SGCD: variants seen among roughly 807,000 people sequenced by gnomAD.
The protein encoded by SGCD is delta-sarcoglycan.
Under a neutral mutation model 36.6 loss-of-function variants are expected in SGCD, and 18 were observed. The observed-to-expected ratio is 0.49, with a 90% CI of 0.34 to 0.73. SGCD has a LOEUF of 0.73. Among genes scored for constraint, SGCD ranks in the 30% least tolerant of loss-of-function variants. The probability of loss-of-function intolerance (pLI) is 0.01; values close to 1 mark genes in which losing one functional copy is unlikely to be tolerated. For synonymous variants in SGCD, 133 were observed against 130.6 expected, an observed-to-expected ratio of 1.02 and a Z score of -0.12; for missense variants, 387 against 346.7, an observed-to-expected ratio of 1.12 and a Z score of -0.92.
intron 3 of SGCD, among the ~76,000 whole-genome samples, chr5:156,435,308 C>T (rs960020084): frequency 2.0e-5 from 3 of 152,146 alleles, no homozygotes; most frequent in African/African-American, 4.8e-5. Flanking sequence ...TAGTTAGTGG[C>T]GTGCAACTTG....
At chr5:155,790,324 T>G in the SGCD span, among the ~76,000 whole-genome samples, 3 of 152,094 alleles carry the variant, frequency 2.0e-5, no homozygotes, top group Non-Finnish European at 4.4e-5. Flanking sequence ...GTTTACATTC[T>G]TACTCTTCTT....
At chr5:156,290,526 A>T (rs1766730540) in intron 3 of SGCD, among the ~76,000 whole-genome samples, 1 of 152,176 alleles carries the variant, frequency 6.6e-6, no homozygotes, top group African/African-American at 2.4e-5. Context: ...TGAAACAGGT[A>T]GGTTGGCAGT....
At chr5:156,574,180 T>C (rs73299113) in intron 4 of SGCD, among the ~76,000 whole-genome samples, 1 of 152,176 alleles carries the variant, frequency 6.6e-6, no homozygotes, top group Non-Finnish European at 1.5e-5. Flanking sequence ...CCTGCTTAGC[T>C]GGTGGATGGT....
intron 7 of SGCD, among the ~76,000 whole-genome samples, chr5:156,648,713 A>T (rs747357883): frequency 6.6e-6 from 1 of 152,176 alleles, no homozygotes; most frequent in Non-Finnish European, 1.5e-5. Context: ...TCTTCAGCAG[A>T]GCTTCCACAT....
At chr5:156,262,344 T>A (rs1372150546) in intron 3 of SGCD, among the ~76,000 whole-genome samples, 1 of 152,136 alleles carries the variant, frequency 6.6e-6, no homozygotes, top group East Asian at 1.9e-4. Flanking sequence ...TTGCCTGCAG[T>A]ATTTGGTACA....
At chr5:155,853,662 C>T in the SGCD span, among the ~76,000 whole-genome samples, 2 of 152,112 alleles carry the variant, frequency 1.3e-5, no homozygotes, top group African/African-American at 4.8e-5. Flanking sequence ...AATCAGGTTT[C>T]GCGTGTACTT....
At chr5:156,576,290 T>C (rs1314404125) in intron 4 of SGCD, among the ~76,000 whole-genome samples, 1 of 152,226 alleles carries the variant, frequency 6.6e-6, no homozygotes, top group Non-Finnish European at 1.5e-5. Flanking sequence ...TTCCATGGTG[T>C]ATATGTGCCA....
chr5:156,637,652 A>G (rs1762879670), intron 6 of SGCD, among the ~76,000 whole-genome samples: 1 of 152,118 alleles, frequency 6.6e-6, no homozygotes, highest in African/African-American at 2.4e-5. Context: ...TTAGCTGGAC[A>G]TTTTGCTCCC....
intron 7 of SGCD, among the ~76,000 whole-genome samples, chr5:156,656,162 T>C (rs149654938): frequency 1.2e-3 from 180 of 152,278 alleles, no homozygotes; most frequent in Middle Eastern, 6.8e-3. Context: ...TTCTTCATGT[T>C]CACAGTCAGC....
chr5:156,079,947 C>T (rs920571210), intron 1 of SGCD, among the ~76,000 whole-genome samples: 1 of 152,228 alleles, frequency 6.6e-6, no homozygotes, highest in African/African-American at 2.4e-5. Context: ...TTTCTTTGTA[C>T]TGCCCTAGTA....
intron 3 of SGCD, among the ~76,000 whole-genome samples, chr5:156,476,737 A>G (rs1293994928): frequency 3.9e-5 from 6 of 152,190 alleles, no homozygotes; most frequent in Non-Finnish European, 8.8e-5. Flanking sequence ...GAAAATTGTC[A>G]CCTGAGGGAG....
intron 1 of SGCD, among the ~76,000 whole-genome samples, chr5:156,053,225 C>T (rs1759967075): frequency 2.0e-5 from 3 of 146,394 alleles, no homozygotes; most frequent in Non-Finnish European, 4.6e-5. Context: ...CTCAACCCTC[C>T]CCTTGCCCAG....
At chr5:156,425,099 G>A (rs1773615139) in intron 3 of SGCD, among the ~76,000 whole-genome samples, 1 of 152,046 alleles carries the variant, frequency 6.6e-6, no homozygotes, top group Non-Finnish European at 1.5e-5. Flanking sequence ...TCCAGCGAAA[G>A]CCAACCTTAT....
intron 3 of SGCD, among the ~76,000 whole-genome samples, chr5:156,141,476 C>T (rs1010329976): frequency 6.6e-6 from 1 of 152,220 alleles, no homozygotes; most frequent in Non-Finnish European, 1.5e-5. Context: ...CTTGAAGGCC[C>T]AACCCTTAAC....
At chr5:155,733,017 T>A in the SGCD span, among the ~76,000 whole-genome samples, 1 of 10,748 alleles carries the variant, frequency 9.3e-5, no homozygotes, top group Non-Finnish European at 5.0e-4. Context: ...TATACTCGTT[T>A]TTTTTTTTTT....
rs372326419 is a variant in SGCD at position 155,989,176 on chromosome 5, T to G, written c.-282+118752T>G. On this transcript the variant is annotated intron_variant, in intron 1 of 9. Transcript: ENST00000517913. ...GCTGCTATTTGCTTAATTCAAGGGTTGGCAAATCTTTTCTATAGAGAATGA... is the reference window on the plus strand; with the variant it reads ...GCTGCTATTTGCTTAATTCAAGGGTGGGCAAATCTTTTCTATAGAGAATGA... Among the ~76,000 whole-genome samples, 18 of 152,316 alleles carry G rather than the reference T, an allele frequency of 1.2e-4. No individual in the cohort carries two copies. In the East Asian group the frequency reaches 2.3e-3, roughly 20 times the overall value.
At chr5:155,867,567 G>A (rs112095847), upstream of SGCD, among the ~76,000 whole-genome samples, 1 of 152,128 alleles carries the variant, frequency 6.6e-6, no homozygotes, top group Admixed American at 6.5e-5. Context: ...CCTGAGAGTG[G>A]GTGGCTGAGG....
At chr5:156,451,943 C>A (rs1308778644) in intron 3 of SGCD, among the ~76,000 whole-genome samples, 2 of 152,154 alleles carry the variant, frequency 1.3e-5, no homozygotes, top group Non-Finnish European at 2.9e-5. Flanking sequence ...ATTGATTCTT[C>A]CAGCAACCGT....
chr5:156,083,075 A>G (rs1761001560), intron 1 of SGCD, among the ~76,000 whole-genome samples: 1 of 152,004 alleles, frequency 6.6e-6, no homozygotes, highest in Admixed American at 6.6e-5. Context: ...TCTCTGGTGA[A>G]ATGTCTGTTT....
Sources: gnomAD v4.1 joint callset for allele counts (sites outside exome capture counted in the v4.1 genomes callset) on GRCh38, gnomAD v4.1.1 for gene constraint, MANE v1.5 for transcripts, NCBI Gene and HGNC (gene_info 2026-07-23, HGNC 2026-07-21) for gene names.